The following ARHGEF7 variants were observed in gnomAD, a reference collection of about 807,000 sequenced individuals.
The protein encoded by ARHGEF7 is Rho guanine nucleotide exchange factor 7.
In ARHGEF7, 33 loss-of-function variants were observed where a neutral mutation model predicts 109.8. The ratio of observed to expected loss-of-function variants is 0.30; its 90% CI spans 0.23 to 0.40. ARHGEF7 has a LOEUF of 0.40. ARHGEF7 is among the 10% of genes least tolerant of loss of function. ARHGEF7 has a pLI of 1.00. For synonymous variants in ARHGEF7, 458 were observed against 424.6 expected, an observed-to-expected ratio of 1.08 and a Z score of -0.97; for missense variants, 938 against 1,098.5, an observed-to-expected ratio of 0.85 and a Z score of 2.07.
chr13:111,213,955 AC>A (rs2153481371), intron 4 of ARHGEF7, among the ~76,000 whole-genome samples: 1 of 152,244 alleles, frequency 6.6e-6, no homozygotes, highest in East Asian at 1.9e-4. Context: ...GTTCTAAGTA[AC>A]CTGTCTTGAG....
intron 1 of ARHGEF7, among the ~76,000 whole-genome samples, chr13:111,137,180 G>C (rs2075126799): frequency 6.6e-6 from 1 of 152,222 alleles, no homozygotes; most frequent in African/African-American, 2.4e-5. Flanking sequence ...GGAGGAGCTG[G>C]TACCATTCCT....
At chr13:111,270,145 A>G (rs79940812) in intron 9 of ARHGEF7, among the ~76,000 whole-genome samples, 3,353 of 152,326 alleles carry the variant, frequency 0.022, 125 homozygotes, top group African/African-American at 0.077. Context: ...CAGTGATGGC[A>G]GCAACACTTG....
At chr13:111,242,184 C>T (rs1250138380) in intron 6 of ARHGEF7, among the ~76,000 whole-genome samples, 2 of 152,200 alleles carry the variant, frequency 1.3e-5, no homozygotes, top group Non-Finnish European at 2.9e-5. Flanking sequence ...AGGGATGAGC[C>T]TGAGTTCCTT....
chr13:111,143,659 ATCTGT>A (rs1421588072), intron 1 of ARHGEF7: 34 of 152,190 alleles, frequency 2.2e-4, no homozygotes, highest in African/African-American at 8.2e-4. Context: ...TGTCTTATGA[ATCTGT>A]ACTGCTCTCA....
chr13:111,283,052 G>T (rs1397011667), intron 15 of ARHGEF7, 87 bp from the exon 16 acceptor site: 3 of 1,418,954 alleles, frequency 2.1e-6, no homozygotes, highest in Middle Eastern at 1.8e-4. Flanking sequence ...TGTTTAAAGA[G>T]CAGAAGGAAG....
intron 2 of ARHGEF7, among the ~76,000 whole-genome samples, chr13:111,187,187 T>C (rs926932169): frequency 6.6e-6 from 1 of 152,206 alleles, no homozygotes; most frequent in Non-Finnish European, 1.5e-5. Context: ...TATTAATACA[T>C]GTTTATGTGT....
intron 1 of ARHGEF7, chr13:111,153,698 G>A (rs1191708220): frequency 1.5e-6 from 2 of 1,306,910 alleles, no homozygotes; most frequent in Admixed American, 4.3e-5. Flanking sequence ...AGAGATTGGT[G>A]CAGCCCCGGA....
intron 8 of ARHGEF7, among the ~76,000 whole-genome samples, chr13:111,260,049 T>A (rs1157078677): frequency 6.6e-6 from 1 of 151,992 alleles, no homozygotes. Context: ...AGACAGGCCA[T>A]CTAAAAATAC....
intron 1 of ARHGEF7, among the ~76,000 whole-genome samples, chr13:111,124,819 G>A (rs1291590598): frequency 6.6e-6 from 1 of 152,146 alleles, no homozygotes; most frequent in East Asian, 1.9e-4. Context: ...GAGTCCAATG[G>A]CACGATCTCG....
Position 111,277,622 on chromosome 13 carries a change from T to G in ARHGEF7, c.1455T>G (p.Asn485Lys). Reference sequence around the variant, plus strand: ...AAAGATATCTTCTACTCTTCCCAAATGTTTTGCTAATGTTGTCTGCCAGTC... The same window carrying G: ...AAAGATATCTTCTACTCTTCCCAAAGGTTTTGCTAATGTTGTCTGCCAGTC... ...KNERYLLLFPNVLLMLSASPR... is the reference protein window; with the variant it reads ...KNERYLLLFPKVLLMLSASPR... Residue 485 changes from asparagine to lysine, a missense_variant, in exon 13 of 22, where the codon AAT becomes AAG. Around this residue, in one of 4 missense-constraint regions of ARHGEF7, gnomAD observed 585 missense variants for 723.6 expected, o/e 0.81. Transcript: ENST00000646102. 7 of 1,608,556 alleles carry G rather than the reference T, an allele frequency of 4.4e-6. No homozygotes were observed. The highest frequency in any genetic ancestry group is 6.0e-6 in the Non-Finnish European group (7 of 1,175,248).
Position 111,145,142 on chromosome 13 carries a change from C to T in ARHGEF7, c.166-8763C>T, listed in dbSNP as rs1339177595. ...TGTGACATATCAGGATATAAAGCTG[C>T]CCCTTTTTTAAAGGCTGTATGGTAG... On this transcript the variant is annotated intron_variant, in intron 1 of 21. Coordinates refer to ENST00000646102, the MANE Select transcript of ARHGEF7 (RefSeq NM_001354046.2). The surrounding 1 kb of genome is among the most constrained non-coding windows in gnomAD (Gnocchi z 4.3). Among the ~76,000 whole-genome samples, 1 of 152,122 alleles carries T rather than the reference C, an allele frequency of 6.6e-6. No individual in the cohort carries two copies. The highest frequency in any genetic ancestry group is 1.5e-5 in the Non-Finnish European group (1 of 68,022).
At chr13:111,153,833 G>T (rs2076066127) in intron 1 of ARHGEF7, 72 bp from the exon 2 acceptor site, 2 of 1,541,088 alleles carry the variant, frequency 1.3e-6, no homozygotes, top group East Asian at 5.4e-5. Flanking sequence ...CGGGCCGTGG[G>T]CGTCGCTCGG....
intron 9 of ARHGEF7, 74 bp downstream of exon 9, chr13:111,267,744 A>G (rs2091783741): frequency 4.5e-6 from 7 of 1,554,038 alleles, no homozygotes; most frequent in Middle Eastern, 1.8e-4. Flanking sequence ...ATGAAATAGT[A>G]TGATGCTAAT....
intron 8 of ARHGEF7, among the ~76,000 whole-genome samples, chr13:111,249,278 C>G (rs2089401337): frequency 6.6e-6 from 1 of 152,056 alleles, no homozygotes; most frequent in Admixed American, 6.6e-5. Context: ...TTCCAAATGT[C>G]CATCCTTCCC....
chr13:111,280,547 T>C lies in ARHGEF7; in HGVS notation c.1595T>C (p.Ile532Thr). ...TCCTTCTCTCCTATAGGGAGCATGA[T>C]TGAGCGGATATTAGTGTCGTGCAAC... The part of the protein sequence containing the change: ...RNAFEISGSM[I>T]ERILVSCNNQ... The change falls in exon 15 of 22, where the codon ATT (isoleucine) becomes ACT (threonine). Residue 532 changes from isoleucine (I) to threonine (T), a missense_variant. Around this residue, in one of 4 missense-constraint regions of ARHGEF7, gnomAD observed 585 missense variants for 723.6 expected, o/e 0.81. Coordinates refer to ENST00000646102, the MANE Select transcript of ARHGEF7 (RefSeq NM_001354046.2). The C allele has an allele frequency of 1.1e-5, 17 of 1,606,168 alleles. No homozygotes were observed. Among genetic ancestry groups the C allele is most frequent in the Non-Finnish European group, 1.4e-5 (17 of 1,176,896 alleles).
chr13:111,237,390 G>A (rs1183971686), intron 6 of ARHGEF7, among the ~76,000 whole-genome samples: 1 of 152,218 alleles, frequency 6.6e-6, no homozygotes, highest in Non-Finnish European at 1.5e-5. Context: ...TCAGTGAGCA[G>A]AGATTTAAAG....
intron 2 of ARHGEF7, among the ~76,000 whole-genome samples, chr13:111,170,674 C>G (rs918212753): frequency 1.3e-5 from 2 of 152,110 alleles, no homozygotes; most frequent in African/African-American, 4.8e-5. Flanking sequence ...CTAGAAGGTT[C>G]CTTGTTGGGA....
chr13:111,302,957 A>G (rs772097910), intron 21 of ARHGEF7, 34 bp from the exon 22 acceptor site: 2 of 1,611,970 alleles, frequency 1.2e-6, no homozygotes, highest in East Asian at 2.2e-5. Context: ...GATGCCAAAG[A>G]TAGTGAACAC....
chr13:111,268,075 A>T (rs1410363062), intron 9 of ARHGEF7, among the ~76,000 whole-genome samples: 1 of 152,236 alleles, frequency 6.6e-6, no homozygotes, highest in African/African-American at 2.4e-5. Context: ...TACACAAAAC[A>T]TTACATTGGA....
Sources: gnomAD v4.1 joint callset for allele counts (sites outside exome capture counted in the v4.1 genomes callset) on GRCh38, gnomAD v4.1.1 for gene constraint, gnomAD v4.1.1 regional missense constraint, Gnocchi (gnomAD v3.1) non-coding constraint, MANE v1.5 for transcripts, NCBI Gene and HGNC (gene_info 2026-07-23, HGNC 2026-07-21) for gene names.